The following PDE10A variants were observed in gnomAD, a reference collection of about 807,000 sequenced individuals.
PDE10A encodes cAMP and cAMP-inhibited cGMP 3',5'-cyclic phosphodiesterase 10A.
A neutral mutation model predicts 97.7 loss-of-function variants in PDE10A; 39 were observed. The ratio of observed to expected loss-of-function variants is 0.40; its 90% confidence interval spans 0.31 to 0.52. PDE10A has a LOEUF of 0.52. Among genes scored for constraint, PDE10A ranks in the 20% least tolerant of loss-of-function variants. The pLI, the probability that PDE10A is intolerant of heterozygous loss-of-function variation, is 0.56. For synonymous variants in PDE10A, 371 were observed against 376.8 expected, an observed-to-expected ratio of 0.98 and a Z score of 0.18; for missense variants, 731 against 1,047.8, an observed-to-expected ratio of 0.70 and a Z score of 4.17.
chr6:165,548,277 T>TC (rs1046828973), intron 1 of PDE10A, among the ~76,000 whole-genome samples: 1 of 64,264 alleles, frequency 1.6e-5, no homozygotes, highest in Non-Finnish European at 3.0e-5. Context: ...TTTAAATCTC[T>TC]TTTTTTTTTT....
chr6:165,589,023 A>G (rs1388928658), intron 1 of PDE10A, among the ~76,000 whole-genome samples: 1 of 152,202 alleles, frequency 6.6e-6, no homozygotes, highest in East Asian at 1.9e-4. Context: ...TTCTTTTCAA[A>G]TCAGCCATGG....
chr6:165,482,732 G>A (rs1194953505), intron 2 of PDE10A, among the ~76,000 whole-genome samples: 1 of 152,284 alleles, frequency 6.6e-6, no homozygotes, highest in African/African-American at 2.4e-5. Flanking sequence ...CTCGTGCTTC[G>A]AAGGTTAGTT....
At chr6:165,580,734 A>G (rs1293524828) in intron 1 of PDE10A, among the ~76,000 whole-genome samples, 3 of 150,478 alleles carry the variant, frequency 2.0e-5, no homozygotes, top group African/African-American at 7.5e-5. Flanking sequence ...GTCCTACCCA[A>G]TGAGAAGACA....
chr6:165,666,689 G>C (rs1790506496), upstream of PDE10A, among the ~76,000 whole-genome samples: 1 of 145,824 alleles, frequency 6.9e-6, no homozygotes. Context: ...TCTTTAGTTT[G>C]TATTTCCAGG....
chr6:165,779,471 A>C (rs1175411006), intron 1 of PDE10A, among the ~76,000 whole-genome samples: 1 of 152,214 alleles, frequency 6.6e-6, no homozygotes, highest in African/African-American at 2.4e-5. Context: ...ACTCTGCATC[A>C]AGTCCTACGT....
At chr6:165,641,727 A>C (rs1789144113) in intron 1 of PDE10A, among the ~76,000 whole-genome samples, 1 of 152,218 alleles carries the variant, frequency 6.6e-6, no homozygotes, top group Admixed American at 6.5e-5. Flanking sequence ...TGGTGATTCA[A>C]GTCTGTTCCT....
chr6:165,777,672 G>C (rs1414088674), intron 1 of PDE10A, among the ~76,000 whole-genome samples: 1 of 151,124 alleles, frequency 6.6e-6, no homozygotes, highest in Admixed American at 6.6e-5. Flanking sequence ...AGATAAGATC[G>C]GCGGCTGATC....
intron 18 of PDE10A, among the ~76,000 whole-genome samples, chr6:165,347,355 T>G (rs1446378540): frequency 6.6e-6 from 1 of 152,196 alleles, no homozygotes; most frequent in African/African-American, 2.4e-5. Context: ...CATATAAGTA[T>G]AAACATGATA....
intron 1 of PDE10A, among the ~76,000 whole-genome samples, chr6:165,901,543 C>T (rs1782106216): frequency 1.3e-5 from 2 of 152,204 alleles, no homozygotes; most frequent in Admixed American, 1.3e-4. Context: ...TGGTTCATGC[C>T]TGTAATCCCA....
chr6:165,535,283 C>T (rs1783012434), intron 2 of PDE10A, among the ~76,000 whole-genome samples: 1 of 151,618 alleles, frequency 6.6e-6, no homozygotes, highest in South Asian at 2.1e-4. Context: ...AGATACACTG[C>T]ACAGTGGTGA....
At chr6:165,551,281 ACCT>A (rs991411628) in intron 1 of PDE10A, among the ~76,000 whole-genome samples, 204 of 152,138 alleles carry the variant, frequency 1.3e-3, no homozygotes, top group African/African-American at 4.5e-3. Context: ...AACTTCATAC[ACCT>A]CCTTCTCTGT....
rs1489507011 is a variant in PDE10A, at chr6:165,662,077, C to G, written c.735G>C (p.Pro245=). The part of the protein sequence containing the change: ...GAGPGGGGQT[P]RRPQGASFAL... ...CGAAGCTGGCGCCCTGGGGACGCCG[C>G]GGAGTTTGGCCGCCGCCGCCTGGGC... Residue 245 remains proline (P), a synonymous_variant, in exon 1 of 22, where the codon CCG becomes CCC. Transcript: ENST00000539869. The G allele has an allele frequency of 2.3e-6, 3 of 1,309,234 alleles. No homozygotes were observed. The South Asian group carries it at 5.5e-5, about 24-fold the overall frequency. 81.1% of individuals were successfully genotyped at this position (1,309,234 alleles called of 1,614,324 possible).
At chr6:165,976,983 T>G (rs1325410204) in intron 1 of PDE10A, among the ~76,000 whole-genome samples, 2 of 152,238 alleles carry the variant, frequency 1.3e-5, no homozygotes, top group Non-Finnish European at 2.9e-5. Flanking sequence ...AAACAGATAG[T>G]TCCCTTGGTG....
Position 165,384,707 on chromosome 6 carries a change from A to C in PDE10A, c.2610+3591T>G, listed in dbSNP as rs1274430682. Among the ~76,000 whole-genome samples the C allele has an allele frequency of 3.4e-5, 5 of 147,316 alleles. 1 individual carries two copies. The highest frequency in any genetic ancestry group is 5.9e-5 in the Non-Finnish European group (4 of 67,296). On this transcript the variant is annotated intron_variant, in intron 17 of 21. Coordinates refer to ENST00000539869, the MANE Select transcript of PDE10A (RefSeq NM_001385079.1). Reference sequence around the variant, plus strand: ...GACTAAAGGTTAGCTTTTCAAGTCTATTGTATTATTCTCCTTGCTTGCTGT... The same window carrying C: ...GACTAAAGGTTAGCTTTTCAAGTCTCTTGTATTATTCTCCTTGCTTGCTGT...
At chr6:165,631,067 CTAT>C (rs1410629285) in intron 1 of PDE10A, among the ~76,000 whole-genome samples, 1 of 152,198 alleles carries the variant, frequency 6.6e-6, no homozygotes, top group Admixed American at 6.5e-5. Context: ...ATATAGCCAG[CTAT>C]TTTCTTTTCA....
intron 1 of PDE10A, among the ~76,000 whole-genome samples, chr6:165,766,548 G>A (rs7761562): frequency 0.1 from 15,695 of 152,238 alleles, 1,000 homozygotes; most frequent in South Asian, 0.19. Flanking sequence ...TCAATCTTCC[G>A]TGGGATTGTT....
intron 1 of PDE10A, among the ~76,000 whole-genome samples, chr6:165,578,695 C>T (rs1307779338): frequency 2.0e-5 from 3 of 152,090 alleles, no homozygotes; most frequent in Admixed American, 6.5e-5. Context: ...TTTTTTCTTA[C>T]ATGGCATAAT....
At chr6:165,453,973 A>G (rs1281348952) in intron 3 of PDE10A, among the ~76,000 whole-genome samples, 1 of 152,222 alleles carries the variant, frequency 6.6e-6, no homozygotes, top group African/African-American at 2.4e-5. Flanking sequence ...AAGGGCAAGG[A>G]TACTCAAGGC....
chr6:165,604,673 A>G (rs1242201351), intron 1 of PDE10A, among the ~76,000 whole-genome samples: 1 of 152,256 alleles, frequency 6.6e-6, no homozygotes, highest in Non-Finnish European at 1.5e-5. Flanking sequence ...TTTTACACTA[A>G]GGCGTAAAGC....
Sources: allele counts gnomAD v4.1 joint callset (sites outside exome capture counted in the v4.1 genomes callset), GRCh38; gene constraint gnomAD v4.1.1; transcripts MANE v1.5; gene names NCBI Gene and HGNC (gene_info 2026-07-23, HGNC 2026-07-21).